PTPRT: variants seen among roughly 807,000 people sequenced by gnomAD.
The protein encoded by PTPRT is protein tyrosine phosphatase receptor type T.
PTPRT carries 56 observed loss-of-function variants against 176.8 expected under a neutral mutation model. That is an observed-to-expected ratio of 0.32 (90% CI 0.26 to 0.40). PTPRT has a LOEUF of 0.40. Among genes scored for constraint, PTPRT ranks in the 10% least tolerant of loss-of-function variants. PTPRT has a pLI of 1.00. For synonymous variants in PTPRT, 783 were observed against 739.0 expected, an observed-to-expected ratio of 1.06 and a Z score of -0.96; for missense variants, 1,540 against 1,908.2, an observed-to-expected ratio of 0.81 and a Z score of 3.60.
At chr20:42,799,655 C>G (rs2077501629) in intron 2 of PTPRT, among the ~76,000 whole-genome samples, 2 of 152,218 alleles carry the variant, frequency 1.3e-5, no homozygotes, top group South Asian at 4.1e-4. Context: ...TGGAAATAGA[C>G]AATTCATTTG....
intron 16 of PTPRT, among the ~76,000 whole-genome samples, chr20:42,173,316 T>C (rs1457439172): frequency 6.6e-6 from 1 of 152,130 alleles, no homozygotes; most frequent in African/African-American, 2.4e-5. Context: ...TAAAGGGTTT[T>C]GTGCATGTCA....
rs201155235 is a variant in PTPRT at position 42,286,643 on chromosome 20, TA to T, written c.2140-4119del. Among the ~76,000 whole-genome samples, 1,196 of 151,702 alleles carry T rather than the reference TA, an allele frequency of 7.9e-3. 10 individuals carry two copies. The highest frequency in any genetic ancestry group is 0.034 in the Middle Eastern group (10 of 294). ...ACTATAAAACTACTAGAAGAAAACA[TA>T]AGGGAAATGGTCTGAAACCAAACAT... is the stretch of plus-strand genomic sequence containing the variant. On this transcript the variant is annotated intron_variant, in intron 12 of 30. Transcript: ENST00000373187.
chr20:43,090,514 C>T (rs763953845), intron 1 of PTPRT, among the ~76,000 whole-genome samples: 1 of 152,112 alleles, frequency 6.6e-6, no homozygotes, highest in Non-Finnish European at 1.5e-5. Flanking sequence ...GTGATCCACC[C>T]GCCTTGGCCT....
At chr20:42,287,498 G>A (rs924677313) in intron 12 of PTPRT, among the ~76,000 whole-genome samples, 13 of 151,872 alleles carry the variant, frequency 8.6e-5, no homozygotes, top group Non-Finnish European at 1.3e-4. Flanking sequence ...AATACTTCAT[G>A]TTCTCACTCA....
intron 7 of PTPRT, among the ~76,000 whole-genome samples, chr20:42,648,870 G>A (rs188281894): frequency 2.1e-5 from 3 of 143,268 alleles, no homozygotes; most frequent in African/African-American, 8.2e-5. Context: ...CCAGGCTGGA[G>A]TGCAGTGGTG....
intron 17 of PTPRT, among the ~76,000 whole-genome samples, chr20:42,143,960 A>G (rs568026904): frequency 6.6e-6 from 1 of 152,210 alleles, no homozygotes; most frequent in African/African-American, 2.4e-5. Context: ...GTTGAGGACA[A>G]CTCTTGGAAA....
At chr20:42,365,700 T>C (rs2058505133) in intron 9 of PTPRT, among the ~76,000 whole-genome samples, 1 of 152,202 alleles carries the variant, frequency 6.6e-6, no homozygotes. Flanking sequence ...CATAATGTTT[T>C]AAGAAAGTTT....
intron 9 of PTPRT, among the ~76,000 whole-genome samples, chr20:42,355,211 C>G (rs762298724): frequency 3.3e-5 from 5 of 152,264 alleles, no homozygotes; most frequent in Admixed American, 1.3e-4. Flanking sequence ...GCAAGCTCCC[C>G]CTCCTTGGTA....
chr20:42,626,714 C>T (rs2074296901), intron 7 of PTPRT, among the ~76,000 whole-genome samples: 1 of 152,136 alleles, frequency 6.6e-6, no homozygotes, highest in Admixed American at 6.5e-5. Context: ...CACAGAGGGT[C>T]AGGTGGAATC....
intron 2 of PTPRT, among the ~76,000 whole-genome samples, chr20:42,834,148 C>A (rs1258059740): frequency 1.3e-5 from 2 of 152,062 alleles, no homozygotes; most frequent in South Asian, 2.1e-4. Context: ...ATATAAAGAA[C>A]TCTCAAAGCT....
At chr20:43,142,654 A>T (rs2014052921) in intron 1 of PTPRT, among the ~76,000 whole-genome samples, 1 of 152,264 alleles carries the variant, frequency 6.6e-6, no homozygotes, top group Non-Finnish European at 1.5e-5. Flanking sequence ...GCCATATGGC[A>T]GAACCTGTTC....
chr20:42,117,034 T>G (rs948720819), intron 21 of PTPRT, among the ~76,000 whole-genome samples: 3 of 151,982 alleles, frequency 2.0e-5, no homozygotes, highest in Non-Finnish European at 4.4e-5. Flanking sequence ...GGAATCAGAG[T>G]CCAGCGTCAG....
chr20:42,474,911 C>A (rs2145303039), intron 7 of PTPRT, among the ~76,000 whole-genome samples: 1 of 152,240 alleles, frequency 6.6e-6, no homozygotes, highest in African/African-American at 2.4e-5. Flanking sequence ...CAAACTGATG[C>A]CAAGCCCCAA....
intron 1 of PTPRT, among the ~76,000 whole-genome samples, chr20:43,040,247 A>G (rs1051200204): frequency 6.6e-6 from 1 of 152,212 alleles, no homozygotes; most frequent in African/African-American, 2.4e-5. Context: ...AGAAGATAAA[A>G]AAGACTGATG....
chr20:43,060,106 A>G (rs1192410528), intron 1 of PTPRT, among the ~76,000 whole-genome samples: 3 of 152,110 alleles, frequency 2.0e-5, no homozygotes, highest in Admixed American at 6.5e-5. Context: ...ATCCAGTTCC[A>G]AAGCCTGTTC....
At chr20:42,198,936 T>C (rs1169516359) in intron 16 of PTPRT, among the ~76,000 whole-genome samples, 2 of 152,156 alleles carry the variant, frequency 1.3e-5, no homozygotes, top group Non-Finnish European at 2.9e-5. Context: ...GACATAACCA[T>C]CCTCCTCCTC....
At position 42,527,186 on chromosome 20, in the gene PTPRT, A is replaced by G. The variant is rs570385966; in HGVS notation, c.1154-54624T>C. On this transcript the variant is annotated intron_variant, in intron 7 of 30. Coordinates refer to ENST00000373187, the MANE Select transcript of PTPRT (RefSeq NM_007050.6). Reference sequence around the variant, plus strand: ...CACCGTGTTAGCCAGGATGGTCTCTATCTCCTGACCTCGTGATCCGCCTGC... The same window carrying G: ...CACCGTGTTAGCCAGGATGGTCTCTGTCTCCTGACCTCGTGATCCGCCTGC... Among the ~76,000 whole-genome samples, 357 of 151,948 alleles carry G rather than the reference A, an allele frequency of 2.3e-3. 3 individuals carry two copies. The highest frequency in any genetic ancestry group is 8.4e-3 in the African/African-American group (347 of 41,456).
chr20:42,359,363 T>G (rs2058400758), intron 9 of PTPRT, among the ~76,000 whole-genome samples: 1 of 152,192 alleles, frequency 6.6e-6, no homozygotes, highest in Non-Finnish European at 1.5e-5. Flanking sequence ...TGAGAGATTC[T>G]GAGTCCTGGC....
intron 2 of PTPRT, among the ~76,000 whole-genome samples, chr20:42,865,276 C>T (rs1413546151): frequency 1.3e-5 from 2 of 152,222 alleles, no homozygotes; most frequent in Non-Finnish European, 2.9e-5. Flanking sequence ...CAACTTGCTT[C>T]AGGCCACACA....
Sources: gnomAD v4.1 joint callset for allele counts (sites outside exome capture counted in the v4.1 genomes callset) on GRCh38, gnomAD v4.1.1 for gene constraint, MANE v1.5 for transcripts, NCBI Gene and HGNC (gene_info 2026-07-23, HGNC 2026-07-21) for gene names.